ARHGAP45: variants seen among roughly 807,000 people sequenced by gnomAD.
The protein encoded by ARHGAP45 is rho GTPase-activating protein 45.
In ARHGAP45, 56 loss-of-function variants were observed where a neutral mutation model predicts 116.1. The ratio of observed to expected loss-of-function variants is 0.48; its 90% CI spans 0.39 to 0.60. The LOEUF is 0.60. Ranked by LOEUF, ARHGAP45 falls within the 20% of genes least tolerant of loss-of-function variation. The pLI is 0.00. For missense variants in ARHGAP45, 1,622 were observed against 1,601.0 expected (o/e 1.01, Z -0.22); for synonymous variants, 866 against 701.7 (o/e 1.23, Z -3.70).
At chr19:1,075,025 C>CCG in intron 10 of ARHGAP45, 146 bp downstream of exon 10, 1 of 474,604 alleles carries the variant, frequency 2.1e-6, no homozygotes. Flanking sequence ...GCAGGCTGGG[C>CCG]CGCCCCCCCC....
intron 10 of ARHGAP45, chr19:1,077,107 C>G (rs2043268401): frequency 2.0e-6 from 2 of 985,324 alleles, no homozygotes; most frequent in Non-Finnish European, 2.4e-6. Context: ...CCCCCGAGCC[C>G]ACAGGTTTTT....
At chr19:1,084,395 AC>A in intron 22 of ARHGAP45, 49 bp downstream of exon 22, 3 of 1,437,304 alleles carry the variant, frequency 2.1e-6, no homozygotes, top group African/African-American at 1.4e-5. Flanking sequence ...GGCGTGTGCC[AC>A]CCATGGGCGC....
chr19:1,069,990 T>G lies in ARHGAP45; in HGVS notation c.421+1246T>G, dbSNP rs2093449813. Among the ~76,000 whole-genome samples the G allele has an allele frequency of 6.6e-6, 1 of 151,824 alleles. No individual in the cohort carries two copies. The highest frequency in any genetic ancestry group is 1.5e-5 in the Non-Finnish European group (1 of 67,982). On this transcript the variant is annotated intron_variant, in intron 2 of 22. Transcript: ENST00000313093. The surrounding 1 kb of genome is among the most constrained non-coding windows in gnomAD (Gnocchi z 4.1). ...AGCCACTGCACCTGATTTATTTTAT[T>G]TTATTTATTTTATTTGAGATGGTGA...
chr19:1,074,204 G>A lies in ARHGAP45; in HGVS notation c.891G>A (p.Lys297=), dbSNP rs374497298. Residue 297 remains lysine, a synonymous_variant, in exon 7 of 23, where the codon AAG becomes AAA. Coordinates refer to ENST00000313093, the MANE Select transcript of ARHGAP45 (RefSeq NM_012292.5). ...CCAAGAACATGGCCAAGTACATGAA[G>A]GACCTCATCAGCTACCTGGAGAAGC... ...LYAKNMAKYM[K]DLISYLEKRT... is the part of the protein sequence containing the mutation. The A allele has an allele frequency of 1.2e-5, 19 of 1,613,460 alleles. No homozygotes were observed. The highest frequency in any genetic ancestry group is 8.9e-5 in the East Asian group (4 of 44,880).
At chr19:1,084,767 TTGTC>T (rs1258931056) in intron 22 of ARHGAP45, among the ~76,000 whole-genome samples, 4 of 152,216 alleles carry the variant, frequency 2.6e-5, no homozygotes, top group African/African-American at 7.2e-5. Flanking sequence ...GACACCTGTG[TTGTC>T]TGTCTTCACA....
chr19:1,082,150 A>ATCC (rs2043456617), intron 19 of ARHGAP45, among the ~76,000 whole-genome samples, 189 bp downstream of exon 19: 1 of 148,372 alleles, frequency 6.7e-6, no homozygotes, highest in African/African-American at 2.5e-5. Flanking sequence ...GGGCGTGGTC[A>ATCC]CGGTAGGAGC....
intron 22 of ARHGAP45, among the ~76,000 whole-genome samples, chr19:1,084,697 C>G (rs1002529290): frequency 6.6e-6 from 1 of 152,174 alleles, no homozygotes; most frequent in Non-Finnish European, 1.5e-5. Context: ...GGAGTTTGAC[C>G]CACGTGGGGC....
In ARHGAP45 at chr19:1,071,117, C is replaced by T. The variant is rs76991097; in HGVS notation, c.422-2032C>T. 4,648 of 1,163,478 alleles carry T rather than the reference C, an allele frequency of 4.0e-3. 152 individuals are homozygous for T. The African/African-American group carries it at 0.069, about 17-fold the overall frequency. 72.1% of individuals were successfully genotyped at this position (1,163,478 alleles called of 1,614,324 possible). On this transcript the variant is annotated intron_variant, in intron 2 of 22. Transcript: ENST00000313093. This position sits in a 1 kb window ranked among gnomAD's most constrained non-coding sequence, Gnocchi z 4.6. The stretch of plus-strand genomic sequence containing the variant: ...GTCCTCGACCCTCCCCACCTCGAAG[C>T]TCTGCGGTTAAGGAAGGACCCAGGC...
chr19:1,070,329 C>CTTTTTTTT (rs1172163710), intron 2 of ARHGAP45, among the ~76,000 whole-genome samples: 7 of 93,270 alleles, frequency 7.5e-5, no homozygotes, highest in Admixed American at 1.2e-4. Context: ...CTTTTCTTTT[C>CTTTTTTTT]TTTTTTTTTT....
chr19:1,075,216 G>A (rs974739352), intron 10 of ARHGAP45, among the ~76,000 whole-genome samples: 1 of 150,156 alleles, frequency 6.7e-6, no homozygotes, highest in East Asian at 1.9e-4. Flanking sequence ...CTGGGAAAGC[G>A]CCATGCTCCT....
intron 22 of ARHGAP45, 111 bp downstream of exon 22, chr19:1,084,457 A>T (rs548544862): frequency 2.7e-6 from 2 of 728,530 alleles, no homozygotes; most frequent in African/African-American, 3.6e-5. Context: ...GGTGCTGCAC[A>T]TTCTGTGGAT....
Position 1,079,976 on chromosome 19 carries a change from C to T in ARHGAP45, c.1561C>T (p.Pro521Ser). Residue 521 changes from proline (P) to serine (S), a missense_variant, in exon 13 of 23, where the codon CCC becomes TCC. Transcript: ENST00000313093. ...GATGCATATGCAGACGGCGCCGCTG[C>T]CCGTGCACTTCCAGATGCTGTGTGA... ...QMMHMQTAPL[P>S]VHFQMLCESS... is the part of the protein sequence containing the mutation. The T allele has an allele frequency of 6.2e-7, 1 of 1,612,760 alleles. No individual in the cohort carries two copies. The highest frequency in any genetic ancestry group is 8.5e-7 in the Non-Finnish European group (1 of 1,179,760).
intron 13 of ARHGAP45, 28 bp from the exon 14 acceptor site, chr19:1,080,227 C>T (rs774779548): frequency 4.0e-5 from 64 of 1,611,772 alleles, no homozygotes; most frequent in Non-Finnish European, 5.3e-5. Context: ...CCATCACCTC[C>T]CCTCCTTTTC....
intron 1 of ARHGAP45, among the ~76,000 whole-genome samples, chr19:1,067,941 G>A (rs533198716): frequency 7.5e-5 from 10 of 132,700 alleles, no homozygotes; most frequent in Admixed American, 7.2e-4. Flanking sequence ...CAGGCCTGGG[G>A]TGTCTACAAA....
Position 1,084,109 on chromosome 19 carries a change from G to A in ARHGAP45, c.2956-129G>A, listed in dbSNP as rs1267241620. ...CTGCGGTTTCTCGGGTTTGCTCTTG[G>A]CTGAGGACAGACCGCCTGGGCAACA... On this transcript the variant is annotated intron_variant, in intron 21 of 22. Transcript: ENST00000313093. The A allele has an allele frequency of 1.4e-5, 12 of 837,304 alleles. No individual in the cohort carries two copies. In the East Asian group the frequency reaches 2.8e-4, roughly 19 times the overall value. The allele number at this position is 837,304 out of a possible 1,614,324, so 51.9% of individuals were successfully genotyped here.
chr19:1,082,299 G>C (rs2043463737), intron 19 of ARHGAP45, among the ~76,000 whole-genome samples: 1 of 151,272 alleles, frequency 6.6e-6, no homozygotes, highest in African/African-American at 2.4e-5. Context: ...GCCGGGGCTC[G>C]GTGGGGCGTG....
chr19:1,071,325 G>C lies in ARHGAP45; in HGVS notation c.422-1824G>C. 7.1e-7 allele frequency: 1 copy of C among 1,416,986 alleles called. No individual in the cohort carries two copies. Among genetic ancestry groups the C allele is most frequent in the African/African-American group, 1.5e-5 (1 of 65,976 alleles). The allele number at this position is 1,416,986 out of a possible 1,614,324, so 87.8% of individuals were successfully genotyped here. ...CGGGACGGCGCACCCGGTGCTGGAC[G>C]AGGGCCCCGTGCGCTGCCGGGCGGG... On this transcript the variant is annotated intron_variant, in intron 2 of 22. Transcript: ENST00000313093. The surrounding 1 kb of genome is among the most constrained non-coding windows in gnomAD (Gnocchi z 4.6).
Position 1,073,578 on chromosome 19 carries a change from C to A in ARHGAP45, c.638C>A (p.Ala213Asp), listed in dbSNP as rs774188898. 7.4e-6 allele frequency: 12 copies of A among 1,613,878 alleles called. No individual in the cohort carries two copies. The highest frequency in any genetic ancestry group is 1.0e-5 in the Non-Finnish European group (12 of 1,179,906). ...AAGGCCCTGGAGACGATTGCTGTGGCCTTCAGTAGCACGTGAGCACGGGAG... is the reference window on the plus strand; with the variant it reads ...AAGGCCCTGGAGACGATTGCTGTGGACTTCAGTAGCACGTGAGCACGGGAG... ...FEKALETIAV[A>D]FSSTVSEFLM... Residue 213 changes from alanine (A) to aspartate (D), a missense_variant, in exon 4 of 23, where the codon GCC becomes GAC. By Grantham distance (126) the Ala-to-Asp change is moderately radical. This residue lies in a region of ARHGAP45 where 279 missense variants were observed against 311.9 expected (regional missense o/e 0.89). Transcript: ENST00000313093.
In ARHGAP45 at chr19:1,083,139, G is replaced by T. The variant is rs1373891305; in HGVS notation, c.2745-4G>T. On this transcript the variant is annotated splice_region_variant and splice_polypyrimidine_tract_variant and intron_variant, in intron 20 of 22. Coordinates refer to ENST00000313093, the MANE Select transcript of ARHGAP45 (RefSeq NM_012292.5). ...TCAGCACCTGGCCCCTGCCCACCCC[G>T]CAGGATCGTGGAGGTGGAGCAGGAC... is the stretch of plus-strand genomic sequence containing the variant. The T allele has an allele frequency of 8.7e-6, 14 of 1,603,802 alleles. No individual in the cohort carries two copies. Among genetic ancestry groups the T allele is most frequent in the Non-Finnish European group, 1.2e-5 (14 of 1,177,548 alleles).
Sources: gnomAD v4.1 joint callset for allele counts (sites outside exome capture counted in the v4.1 genomes callset) on GRCh38, gnomAD v4.1.1 for gene constraint, gnomAD v4.1.1 regional missense constraint, Gnocchi (gnomAD v3.1) non-coding constraint, MANE v1.5 for transcripts, NCBI Gene and HGNC (gene_info 2026-07-23, HGNC 2026-07-21) for gene names.